Variants in CDC14B observed in about 807,000 individuals in gnomAD.
CDC14B encodes cell division cycle 14B, also known as dual specificity protein phosphatase CDC14B.
CDC14B carries 22 observed loss-of-function variants against 64.2 expected under a neutral mutation model. That is an observed-to-expected ratio of 0.34 (90% CI 0.24 to 0.49). CDC14B has a LOEUF of 0.49. CDC14B is among the 20% of genes least tolerant of loss of function. The pLI is 0.99. For missense variants in CDC14B, 498 were observed against 629.9 expected (o/e 0.79, Z 2.24); for synonymous variants, 191 against 215.8 (o/e 0.89, Z 1.01).
chr9:96,525,863 A>G (rs970119110), intron 9 of CDC14B, among the ~76,000 whole-genome samples: 15 of 152,128 alleles, frequency 9.9e-5, no homozygotes, highest in African/African-American at 3.6e-4. Context: ...AACTGTTGAG[A>G]TGGGGTGAAT....
intron 4 of CDC14B, among the ~76,000 whole-genome samples, chr9:96,552,729 A>G (rs748389937): frequency 6.6e-5 from 10 of 151,984 alleles, no homozygotes; most frequent in Non-Finnish European, 1.5e-4. Context: ...TCCTCTGCCT[A>G]CCCCCTATTA....
At chr9:96,612,411 G>A (rs1847380291) in intron 1 of CDC14B, among the ~76,000 whole-genome samples, 2 of 152,200 alleles carry the variant, frequency 1.3e-5, no homozygotes, top group South Asian at 2.1e-4. Context: ...TGCAGCCCTG[G>A]CCATCAATGG....
At chr9:96,616,068 G>A (rs893132652) in intron 1 of CDC14B, among the ~76,000 whole-genome samples, 2 of 152,220 alleles carry the variant, frequency 1.3e-5, no homozygotes, top group African/African-American at 2.4e-5. Context: ...GCTCACGCCT[G>A]TAACCCCAGC....
At chr9:96,508,557 C>T (rs889564615) in intron 13 of CDC14B, among the ~76,000 whole-genome samples, 1 of 152,218 alleles carries the variant, frequency 6.6e-6, no homozygotes, top group Non-Finnish European at 1.5e-5. Context: ...ATATTTGGTA[C>T]ATTTCTAATG....
At chr9:96,548,794 C>A (rs1841365594) in intron 5 of CDC14B, among the ~76,000 whole-genome samples, 1 of 148,874 alleles carries the variant, frequency 6.7e-6, no homozygotes, top group African/African-American at 2.5e-5. Context: ...GAGCAAGAAT[C>A]TGTCTTTAAA....
At chr9:96,557,984 A>G (rs1376185665) in intron 4 of CDC14B, among the ~76,000 whole-genome samples, 6 of 152,244 alleles carry the variant, frequency 3.9e-5, no homozygotes, top group Non-Finnish European at 8.8e-5. Flanking sequence ...TTTAACCCAT[A>G]GAAGAGATGA....
intron 1 of CDC14B, among the ~76,000 whole-genome samples, chr9:96,597,212 G>A (rs1052350524): frequency 1.3e-5 from 2 of 152,172 alleles, no homozygotes; most frequent in African/African-American, 4.8e-5. Flanking sequence ...GACAGGAGAG[G>A]GCCAGGCGCA....
chr9:96,566,312 T>C (rs748354242), intron 1 of CDC14B, among the ~76,000 whole-genome samples: 18 of 151,770 alleles, frequency 1.2e-4, no homozygotes, highest in Non-Finnish European at 2.4e-4. Context: ...AAAATATATA[T>C]ACTTTCAGCA....
intron 1 of CDC14B, among the ~76,000 whole-genome samples, chr9:96,609,744 T>C (rs1210324576): frequency 2.0e-5 from 3 of 152,200 alleles, no homozygotes; most frequent in East Asian, 1.9e-4. Flanking sequence ...GTAATGTTAC[T>C]TTCAAATGAG....
In CDC14B at chr9:96,560,586, T is replaced by C. The variant is rs1011689270; in HGVS notation, c.420+2107A>G. Among the ~76,000 whole-genome samples, 63 of 146,588 alleles carry C rather than the reference T, an allele frequency of 4.3e-4. 2 individuals are homozygous for C. The highest frequency in any genetic ancestry group is 6.5e-4 in the Non-Finnish European group (43 of 66,636). ...CATACATAGACTTTTCTCTTTCTCTTTTTTTTTTTTTTTTTGAGACGGGGT... is the reference window on the plus strand; with the variant it reads ...CATACATAGACTTTTCTCTTTCTCTCTTTTTTTTTTTTTTTGAGACGGGGT... On this transcript the variant is annotated intron_variant, in intron 4 of 13. Transcript: ENST00000375241.
At position 96,601,685 on chromosome 9, in the gene CDC14B, C is replaced by T. The variant is rs1318390666; in HGVS notation, c.160+17534G>A. On this transcript the variant is annotated intron_variant, in intron 1 of 13. Transcript: ENST00000375241. ...GCAGGCGCCTGCAGTCCCAGCTACT[C>T]GGGAAGCTGAGGCAGGAGAATCACT... Among the ~76,000 whole-genome samples the T allele has an allele frequency of 4.3e-5, 6 of 140,260 alleles. No individual in the cohort carries two copies. In the East Asian group the frequency reaches 8.7e-4, roughly 20 times the overall value. 92.0% of individuals were successfully genotyped at this position (140,260 alleles called of 152,430 possible).
chr9:96,567,068 C>G (rs991176950), intron 1 of CDC14B: 66 of 1,031,930 alleles, frequency 6.4e-5, no homozygotes, highest in Non-Finnish European at 7.6e-5. Flanking sequence ...CCACCTCCCG[C>G]TTTCTTTCCC....
At chr9:96,592,394 T>G (rs1460196701) in intron 1 of CDC14B, among the ~76,000 whole-genome samples, 1 of 152,234 alleles carries the variant, frequency 6.6e-6, no homozygotes, top group East Asian at 1.9e-4. Context: ...CTGTTTTTGC[T>G]TCTCAAGCAA....
At chr9:96,586,812 T>C (rs10118218) in intron 1 of CDC14B, among the ~76,000 whole-genome samples, 8,675 of 152,166 alleles carry the variant, frequency 0.057, 810 homozygotes, top group African/African-American at 0.2. Flanking sequence ...TTAGCTTTAA[T>C]AGATTATCTG....
chr9:96,591,690 A>C (rs1008990768), intron 1 of CDC14B, among the ~76,000 whole-genome samples: 1 of 152,134 alleles, frequency 6.6e-6, no homozygotes, highest in African/African-American at 2.4e-5. Flanking sequence ...CATTTTAACA[A>C]TATTAAGTCT....
chr9:96,545,088 G>T (rs1840614037), intron 5 of CDC14B, among the ~76,000 whole-genome samples: 1 of 152,068 alleles, frequency 6.6e-6, no homozygotes, highest in Non-Finnish European at 1.5e-5. Context: ...AGGTCCTCTA[G>T]TTGTCTGTGA....
chr9:96,529,100 T>C (rs1838028195), intron 9 of CDC14B, among the ~76,000 whole-genome samples: 1 of 152,204 alleles, frequency 6.6e-6, no homozygotes, highest in South Asian at 2.1e-4. Context: ...AAATTTTATA[T>C]AGTCCGATTT....
intron 1 of CDC14B, among the ~76,000 whole-genome samples, chr9:96,573,933 G>A (rs1166326120): frequency 6.6e-6 from 1 of 152,120 alleles, no homozygotes; most frequent in African/African-American, 2.4e-5. Context: ...GGATCACGAG[G>A]TCAGGAGATG....
intron 12 of CDC14B, among the ~76,000 whole-genome samples, chr9:96,512,924 C>A (rs1835116412): frequency 6.6e-6 from 1 of 151,930 alleles, no homozygotes; most frequent in Non-Finnish European, 1.5e-5. Flanking sequence ...AACAATCACA[C>A]TGCAAAATAA....
Sources: gnomAD v4.1 joint callset for allele counts (sites outside exome capture counted in the v4.1 genomes callset) on GRCh38, gnomAD v4.1.1 for gene constraint, MANE v1.5 for transcripts, NCBI Gene and HGNC (gene_info 2026-07-23, HGNC 2026-07-21) for gene names.